The following TFAP4 variants were observed in gnomAD, a reference collection of about 807,000 sequenced individuals.
TFAP4 encodes activating enhancer-binding protein 4.
Under a neutral mutation model 40.4 loss-of-function variants are expected in TFAP4, and 7 were observed. The observed-to-expected ratio is 0.17, with a 90% confidence interval of 0.10 to 0.33. The LOEUF is 0.33. Among genes scored for constraint, TFAP4 ranks in the 10% least tolerant of loss-of-function variants. TFAP4 has a pLI of 1.00. For synonymous variants in TFAP4, 218 were observed against 181.4 expected, an observed-to-expected ratio of 1.20 and a Z score of -1.62; for missense variants, 374 against 451.1, an observed-to-expected ratio of 0.83 and a Z score of 1.55.
In TFAP4 at chr16:4,260,967, T is replaced by A. The variant is rs544519628; in HGVS notation, c.526-372A>T. Reference sequence around the variant, plus strand: ...CCTGGCCTTCAATATGGTTTTTTGTTTTTGTTTTTTGGTTTTTTTGAGCCA... The same window carrying A: ...CCTGGCCTTCAATATGGTTTTTTGTATTTGTTTTTTGGTTTTTTTGAGCCA... On this transcript the variant is annotated intron_variant, in intron 4 of 6. Transcript: ENST00000204517. Among the ~76,000 whole-genome samples the A allele has an allele frequency of 1.8e-4, 27 of 149,444 alleles. No homozygotes were observed. The South Asian group carries it at 5.2e-3, about 29-fold the overall frequency.
chr16:4,268,235 G>A (rs1393012013), intron 1 of TFAP4, among the ~76,000 whole-genome samples: 1 of 152,132 alleles, frequency 6.6e-6, no homozygotes, highest in Non-Finnish European at 1.5e-5. Context: ...TTTCAGACCA[G>A]CCAGGCCAAG....
chr16:4,261,230 G>A (rs533734574), intron 4 of TFAP4, among the ~76,000 whole-genome samples: 1 of 151,660 alleles, frequency 6.6e-6, no homozygotes, highest in African/African-American at 2.4e-5. Flanking sequence ...CCTCAGCCCC[G>A]CAAAGTGCTG....
intron 1 of TFAP4, chr16:4,263,149 GCAA>G (rs2052962919): frequency 5.7e-6 from 1 of 176,176 alleles, no homozygotes; most frequent in African/African-American, 2.4e-5. Context: ...TTCAGTCTGG[GCAA>G]CAGAGCAAGA....
At chr16:4,270,101 G>C (rs149126170) in intron 1 of TFAP4, among the ~76,000 whole-genome samples, 2,403 of 151,978 alleles carry the variant, frequency 0.016, 74 homozygotes, top group African/African-American at 0.055. Flanking sequence ...AGGAAAGTCG[G>C]TTGAATCTAG....
Position 4,258,052 on chromosome 16 carries a change from T to A in TFAP4, c.*3A>T. 6.2e-7 allele frequency: 1 copy of A among 1,602,458 alleles called. No homozygotes were observed. The highest frequency in any genetic ancestry group is 8.5e-7 in the Non-Finnish European group (1 of 1,177,070). Reference sequence around the variant, plus strand: ...AGAAGGGAGAGGAGGGCTGGGGGGGTAGTCAGGGAAGCTCCCCGTCCCCCG... The same window carrying A: ...AGAAGGGAGAGGAGGGCTGGGGGGGAAGTCAGGGAAGCTCCCCGTCCCCCG... On this transcript the variant is annotated 3_prime_UTR_variant, in exon 7 of 7. Coordinates refer to ENST00000204517, the MANE Select transcript of TFAP4 (RefSeq NM_003223.3).
At chr16:4,260,384 G>T in intron 5 of TFAP4, 71 bp downstream of exon 5, 1 of 1,515,522 alleles carries the variant, frequency 6.6e-7, no homozygotes. Flanking sequence ...CTAGGGAGAG[G>T]CTTCCGCCAT....
chr16:4,259,579 T>C (rs937989466), intron 6 of TFAP4, among the ~76,000 whole-genome samples: 3 of 149,214 alleles, frequency 2.0e-5, no homozygotes, highest in African/African-American at 5.2e-5. Context: ...TTTTTGGTTA[T>C]TTATTTATTA....
At chr16:4,264,358 C>T (rs1248359026) in intron 1 of TFAP4, 1 of 152,336 alleles carries the variant, frequency 6.6e-6, no homozygotes, top group Admixed American at 6.5e-5. Context: ...ATCGCTGCCC[C>T]TTCCCCGGCC....
chr16:4,268,597 T>C (rs1296006973), intron 1 of TFAP4, among the ~76,000 whole-genome samples: 4 of 152,058 alleles, frequency 2.6e-5, no homozygotes, highest in Non-Finnish European at 5.9e-5. Flanking sequence ...TTTATTTTTA[T>C]TTATTTATTT....
chr16:4,260,719 G>A, intron 4 of TFAP4, 124 bp from the exon 5 acceptor site: 3 of 1,141,760 alleles, frequency 2.6e-6, no homozygotes, highest in Non-Finnish European at 3.5e-6. Flanking sequence ...CTCAACAGAG[G>A]CCAGAAGCCT....
chr16:4,268,175 A>T (rs532908964), intron 1 of TFAP4: 2 of 152,416 alleles, frequency 1.3e-5, no homozygotes, highest in East Asian at 3.9e-4. Flanking sequence ...CATGCCTGTA[A>T]TCCCAGCACT....
At chr16:4,262,728 G>T (rs777490443) in intron 1 of TFAP4, 27 bp from the exon 2 acceptor site, 2 of 1,600,768 alleles carry the variant, frequency 1.2e-6, no homozygotes, top group South Asian at 2.2e-5. Flanking sequence ...GGACAGGCTC[G>T]GCCAAGGCGC....
chr16:4,271,211 G>T (rs1165544922), intron 1 of TFAP4, among the ~76,000 whole-genome samples: 1 of 152,242 alleles, frequency 6.6e-6, no homozygotes, highest in Non-Finnish European at 1.5e-5. Context: ...CGGGGCAGAG[G>T]GTTGGGCAGG....
At chr16:4,268,375 T>C (rs187449008) in intron 1 of TFAP4, among the ~76,000 whole-genome samples, 4 of 152,112 alleles carry the variant, frequency 2.6e-5, no homozygotes, top group South Asian at 4.1e-4. Context: ...GGACAACCCA[T>C]GAAACTCTTA....
At position 4,261,884 on chromosome 16, in the gene TFAP4, C is replaced by T. The variant is rs1331714487; in HGVS notation, c.420G>A (p.Pro140=). The change falls in exon 4 of 7, where the codon CCG becomes CCA. Residue 140 remains proline, a synonymous_variant. Transcript: ENST00000204517. ...AEDKDEGIGS[P]DIWEDEKAED... Reference sequence around the variant, plus strand: ...CCGCCTTCTCGTCCTCCCAGATGTCCGGGGAGCCTATGCCTTCGTCCTTGT... The same window carrying T: ...CCGCCTTCTCGTCCTCCCAGATGTCTGGGGAGCCTATGCCTTCGTCCTTGT... 2.5e-6 allele frequency: 4 copies of T among 1,613,600 alleles called. No homozygotes were observed. Among genetic ancestry groups the T allele is most frequent in the Middle Eastern group, 3.3e-4 (2 of 6,058 alleles).
In TFAP4 at chr16:4,262,527, C is replaced by G. The variant is rs368551911; in HGVS notation, c.255+9G>C. ...GCTCCTCCAGGAAGCCCTCCCTGCT[C>G]TCACCCACCTTGCTGAGCTTCTCTC... On this transcript the variant is annotated intron_variant, in intron 2 of 6. Transcript: ENST00000204517. 1.4e-5 allele frequency: 22 copies of G among 1,612,640 alleles called. No homozygotes were observed. Among genetic ancestry groups the G allele is most frequent in the Non-Finnish European group, 1.9e-5 (22 of 1,180,022 alleles).
chr16:4,272,340 G>A (rs916658607), intron 1 of TFAP4, among the ~76,000 whole-genome samples: 1 of 152,110 alleles, frequency 6.6e-6, no homozygotes, highest in Non-Finnish European at 1.5e-5. Flanking sequence ...GGAAGCGCGG[G>A]GGGGAAGGCC....
At chr16:4,262,012 T>C in intron 3 of TFAP4, 63 bp from the exon 4 acceptor site, 1 of 1,489,212 alleles carries the variant, frequency 6.7e-7, no homozygotes, top group South Asian at 1.3e-5. Flanking sequence ...GAGATTGGGG[T>C]TCCATCGCAG....
At chr16:4,259,762 C>T (rs992704947) in intron 6 of TFAP4, among the ~76,000 whole-genome samples, 4 of 152,250 alleles carry the variant, frequency 2.6e-5, no homozygotes, top group East Asian at 1.9e-4. Context: ...GACAATGTTC[C>T]GGACCAACCC....
Sources: gnomAD v4.1 joint callset for allele counts (sites outside exome capture counted in the v4.1 genomes callset) on GRCh38, gnomAD v4.1.1 for gene constraint, MANE v1.5 for transcripts, NCBI Gene and HGNC (gene_info 2026-07-23, HGNC 2026-07-21) for gene names.